The following MGST1 variants were observed in gnomAD, a reference collection of about 807,000 sequenced individuals.
MGST1 encodes glutathione S-transferase 12.
MGST1 carries 5 observed loss-of-function variants against 8.9 expected under a neutral mutation model. That is an observed-to-expected ratio of 0.56 (90% CI 0.29 to 1.19). The LOEUF (loss-of-function observed/expected upper bound fraction) is 1.19, where lower values mean the gene tolerates loss of function less well. Among genes scored for constraint, MGST1 ranks in the 50% most tolerant of loss-of-function variants. The pLI, the probability that MGST1 is intolerant of heterozygous loss-of-function variation, is 0.08. For missense variants in MGST1, 182 were observed against 187.4 expected, an observed-to-expected ratio of 0.97 and a Z score of 0.17; for synonymous variants, 54 against 67.8, an observed-to-expected ratio of 0.80 and a Z score of 1.00.
chr12:16,563,448 A>G (rs927499580), intron 4 of MGST1, among the ~76,000 whole-genome samples: 5 of 152,286 alleles, frequency 3.3e-5, no homozygotes, highest in Admixed American at 1.3e-4. Flanking sequence ...AAGAATTTTC[A>G]TATATGTCAA....
rs1413315957 is a variant in MGST1 at position 16,584,035 on chromosome 12, G to C, written n.483-5493G>C. Among the ~76,000 whole-genome samples, 2 of 152,172 alleles carry C rather than the reference G, an allele frequency of 1.3e-5. No individual in the cohort carries two copies. The highest frequency in any genetic ancestry group is 2.9e-5 in the Non-Finnish European group (2 of 68,020). ...GAAAAGACACTGTATATAATTCTGG[G>C]ATGGCAGGCTGATGTTCAGTAGGGT... On this transcript the variant is annotated intron_variant and non_coding_transcript_variant, in intron 4 of 4. Coordinates refer to the MGST1 transcript ENST00000538857. The surrounding 1 kb of genome is among the most constrained non-coding windows in gnomAD (Gnocchi z 5.2).
intron 4 of MGST1, among the ~76,000 whole-genome samples, chr12:16,545,766 G>T (rs1941820455): frequency 6.6e-6 from 1 of 151,954 alleles, no homozygotes; most frequent in Non-Finnish European, 1.5e-5. Context: ...CAAACAGATT[G>T]CATCTAGAAA....
intron 4 of MGST1, among the ~76,000 whole-genome samples, chr12:16,461,558 C>G (rs922982773): frequency 3.9e-5 from 6 of 152,036 alleles, no homozygotes; most frequent in Admixed American, 6.6e-5. Flanking sequence ...TAAAAACTCT[C>G]TAGGAAAAAT....
chr12:16,523,665 T>G (rs757138890), intron 4 of MGST1, among the ~76,000 whole-genome samples: 1 of 152,120 alleles, frequency 6.6e-6, no homozygotes, highest in African/African-American at 2.4e-5. Flanking sequence ...ATCCATTCTT[T>G]GAGGCTGCAT....
intron 4 of MGST1, among the ~76,000 whole-genome samples, chr12:16,566,534 T>C (rs1942617015): frequency 6.6e-6 from 1 of 152,118 alleles, no homozygotes; most frequent in Non-Finnish European, 1.5e-5. Context: ...ATATGTACCA[T>C]TATAAGGTGC....
rs972365271 is a variant in MGST1, at chr12:16,400,634, T to C, written n.778+17030T>C. The C allele has an allele frequency of 2.7e-5, 39 of 1,445,130 alleles. No homozygotes were observed. In the Admixed American group the frequency reaches 6.4e-4, roughly 24 times the overall value. The allele number at this position is 1,445,130 out of a possible 1,614,324, so 89.5% of individuals were successfully genotyped here. ...ATCGTATGACGCTTGGTATGTAATT[T>C]CTTTGACAAAAGTCGCTTCAGGGTT... On this transcript the variant is annotated intron_variant and non_coding_transcript_variant, in intron 1 of 1. Transcript: ENST00000359720.
chr12:16,506,547 G>A (rs1176446084), intron 4 of MGST1, among the ~76,000 whole-genome samples: 1 of 152,110 alleles, frequency 6.6e-6, no homozygotes, highest in Non-Finnish European at 1.5e-5. Context: ...GCTCTAACCT[G>A]TGGGATGTGA....
At chr12:16,409,280 TTGTGTGTGTGTA>T (rs1212148513) in intron 1 of MGST1, among the ~76,000 whole-genome samples, 3 of 151,852 alleles carry the variant, frequency 2.0e-5, no homozygotes, top group African/African-American at 7.3e-5. Context: ...ATGTGTGTGT[TTGTGTGTGTGTA>T]TGTGTGTGTA....
At position 16,584,547 on chromosome 12, in the gene MGST1, CAA is replaced by C. The variant is rs1281326581; in HGVS notation, n.483-4980_483-4979del. On this transcript the variant is annotated intron_variant and non_coding_transcript_variant, in intron 4 of 4. Coordinates refer to the MGST1 transcript ENST00000538857. The surrounding 1 kb of genome is among the most constrained non-coding windows in gnomAD (Gnocchi z 5.2). Reference sequence around the variant, plus strand: ...CAGAGAATGAGGAAAGGAATGGAAACAAGAGACGTTTTAGATTAACATTGGCA... The same window carrying C: ...CAGAGAATGAGGAAAGGAATGGAAACGAGACGTTTTAGATTAACATTGGCA... Among the ~76,000 whole-genome samples the C allele has an allele frequency of 2.6e-5, 4 of 151,962 alleles. No individual in the cohort carries two copies. The highest frequency in any genetic ancestry group is 2.1e-4 in the South Asian group (1 of 4,824).
At chr12:16,443,110 T>A (rs1487057262), downstream of MGST1, among the ~76,000 whole-genome samples, 10 of 151,848 alleles carry the variant, frequency 6.6e-5, no homozygotes, top group Non-Finnish European at 1.5e-4. Context: ...CTCTATGACA[T>A]GTCTCTTTCT....
At chr12:16,536,082 AGT>A (rs10579042) in intron 4 of MGST1, among the ~76,000 whole-genome samples, 56,021 of 145,202 alleles carry the variant, frequency 0.39, 12,248 homozygotes, top group Non-Finnish European at 0.5. Context: ...GGTGTGTGTG[AGT>A]GTGTGTGTGT....
intron 4 of MGST1, among the ~76,000 whole-genome samples, chr12:16,489,141 A>G (rs1027520507): frequency 6.6e-6 from 1 of 152,102 alleles, no homozygotes; most frequent in African/African-American, 2.4e-5. Context: ...TAAAAAATAA[A>G]TAGGTAAATA....
chr12:16,475,664 C>T (rs997592800), intron 4 of MGST1, among the ~76,000 whole-genome samples: 2 of 152,080 alleles, frequency 1.3e-5, no homozygotes, highest in Non-Finnish European at 2.9e-5. Flanking sequence ...GTTGGCTGGG[C>T]TCATGTTGGT....
intron 3 of MGST1, among the ~76,000 whole-genome samples, chr12:16,358,671 T>G (rs1428187955): frequency 6.6e-6 from 1 of 151,992 alleles, no homozygotes; most frequent in Non-Finnish European, 1.5e-5. Context: ...TTTCACCATG[T>G]TGGCCAGGTT....
intron 4 of MGST1, among the ~76,000 whole-genome samples, chr12:16,539,884 A>C (rs946113351): frequency 1.3e-5 from 2 of 152,214 alleles, no homozygotes; most frequent in African/African-American, 4.8e-5. Context: ...AAGGCCCTTC[A>C]TCACTGGATT....
chr12:16,410,182 G>A lies in MGST1; in HGVS notation n.778+26578G>A, dbSNP rs1301230904. Among the ~76,000 whole-genome samples, 2 of 152,056 alleles carry A rather than the reference G, an allele frequency of 1.3e-5. No homozygotes were observed. The highest frequency in any genetic ancestry group is 2.9e-5 in the Non-Finnish European group (2 of 68,008). The stretch of plus-strand genomic sequence containing the variant: ...AAGTGGTTATAGTGCTATGCTTACC[G>A]TCATTTCTCTTTAACTTGGAGATTA... On this transcript the variant is annotated intron_variant and non_coding_transcript_variant, in intron 1 of 1. Transcript: ENST00000359720. This position sits in a 1 kb window ranked among gnomAD's most constrained non-coding sequence, Gnocchi z 4.4.
intron 4 of MGST1, among the ~76,000 whole-genome samples, chr12:16,527,133 T>A (rs1941692538): frequency 6.6e-6 from 1 of 151,998 alleles, no homozygotes; most frequent in Non-Finnish European, 1.5e-5. Context: ...GTTTGACCCA[T>A]CTTAAATGTC....
chr12:16,460,992 T>A (rs1157686405), intron 4 of MGST1, among the ~76,000 whole-genome samples: 1 of 151,942 alleles, frequency 6.6e-6, no homozygotes, highest in Non-Finnish European at 1.5e-5. Context: ...TAGGAGAAGA[T>A]TCAGAGGAAG....
intron 4 of MGST1, among the ~76,000 whole-genome samples, chr12:16,468,044 T>C (rs1591738042): frequency 6.6e-6 from 1 of 152,304 alleles, no homozygotes; most frequent in Non-Finnish European, 1.5e-5. Flanking sequence ...TATAAGACTA[T>C]GTCTACATTG....
Sources: gnomAD v4.1 joint callset for allele counts (sites outside exome capture counted in the v4.1 genomes callset) on GRCh38, gnomAD v4.1.1 for gene constraint, Gnocchi (gnomAD v3.1) non-coding constraint, MANE v1.5 for transcripts, NCBI Gene and HGNC (gene_info 2026-07-23, HGNC 2026-07-21) for gene names.